Variants in CLNK observed in about 807,000 individuals in gnomAD.
CLNK encodes the protein cytokine dependent hematopoietic cell linker.
Under a neutral mutation model 68.6 loss-of-function variants are expected in CLNK, and 74 were observed. The ratio of observed to expected loss-of-function variants is 1.08; its 90% confidence interval spans 0.89 to 1.31. CLNK has a LOEUF of 1.31. CLNK is among the 50% of genes most tolerant of loss of function. CLNK has a pLI of 0.00. For synonymous variants in CLNK, 198 were observed against 172.2 expected (o/e 1.15, Z -1.17); for missense variants, 553 against 515.3 (o/e 1.07, Z -0.71).
intron 8 of CLNK, among the ~76,000 whole-genome samples, chr4:10,545,083 G>A (rs950986258): frequency 9.9e-5 from 15 of 152,032 alleles, no homozygotes; most frequent in African/African-American, 3.6e-4. Flanking sequence ...AGTTTTGGAG[G>A]GGACATTCAA....
chr4:10,592,979 A>G (rs529359699), intron 3 of CLNK, among the ~76,000 whole-genome samples: 2 of 152,154 alleles, frequency 1.3e-5, no homozygotes, highest in Admixed American at 1.3e-4. Flanking sequence ...CACCCATCTC[A>G]GCCTCCCAAA....
intron 5 of CLNK, among the ~76,000 whole-genome samples, chr4:10,570,277 C>T (rs1286566583): frequency 6.6e-6 from 1 of 152,090 alleles, no homozygotes; most frequent in East Asian, 1.9e-4. Context: ...AATACCTTTG[C>T]TAGACTTGGT....
intron 2 of CLNK, among the ~76,000 whole-genome samples, chr4:10,644,480 G>C (rs1723433651): frequency 6.6e-6 from 1 of 152,126 alleles, no homozygotes; most frequent in African/African-American, 2.4e-5. Flanking sequence ...CTGAGGTTTG[G>C]TCGCATGTAA....
intron 2 of CLNK, among the ~76,000 whole-genome samples, chr4:10,649,117 C>T (rs568958162): frequency 5.3e-4 from 80 of 152,196 alleles, no homozygotes; most frequent in Non-Finnish European, 9.3e-4. Flanking sequence ...CTTTTCTTTA[C>T]GTAAAAATAA....
Position 10,488,546 on chromosome 4 carries a change from C to G in CLNK, c.*1921G>C, listed in dbSNP as rs550872962. 5 of 152,234 alleles carry G rather than the reference C, an allele frequency of 3.3e-5. No individual in the cohort carries two copies. The highest frequency in any genetic ancestry group is 4.8e-5 in the African/African-American group (2 of 41,456). 9.4% of individuals were successfully genotyped at this position (152,234 alleles called of 1,614,324 possible). A position where few individuals can be genotyped will look rare whatever the true frequency, so the allele number is the denominator to read the frequency against. On this transcript the variant is annotated 3_prime_UTR_variant, in exon 19 of 19. Coordinates refer to ENST00000226951, the MANE Select transcript of CLNK (RefSeq NM_052964.4). ...CCGGACCAGTGAGTTCTTTCGTATC[C>G]AAGCTCCAATTTAAACACTCTTGTC...
chr4:10,651,585 G>T (rs1723736943), intron 2 of CLNK, among the ~76,000 whole-genome samples: 1 of 152,136 alleles, frequency 6.6e-6, no homozygotes, highest in African/African-American at 2.4e-5. Context: ...GAATAAAGTT[G>T]CATGTGCTTT....
At chr4:10,584,767 C>G (rs1208378969) in intron 4 of CLNK, among the ~76,000 whole-genome samples, 160 bp downstream of exon 4, 1 of 152,164 alleles carries the variant, frequency 6.6e-6, no homozygotes, top group Non-Finnish European at 1.5e-5. Context: ...ACAGATCAGG[C>G]TGTACCCTGG....
chr4:10,658,932 GT>G (rs1724086913), intron 2 of CLNK, among the ~76,000 whole-genome samples: 1 of 152,238 alleles, frequency 6.6e-6, no homozygotes, highest in Non-Finnish European at 1.5e-5. Context: ...TGTAATCACA[GT>G]TTTTGCTATT....
chr4:10,726,921 T>C, the CLNK span, among the ~76,000 whole-genome samples: 1 of 152,318 alleles, frequency 6.6e-6, no homozygotes, highest in East Asian at 1.9e-4. Flanking sequence ...AACAGACATG[T>C]ATGTGTAATA....
At chr4:10,544,369 T>G (rs1047830479) in intron 8 of CLNK, among the ~76,000 whole-genome samples, 4 of 152,246 alleles carry the variant, frequency 2.6e-5, no homozygotes, top group Non-Finnish European at 5.9e-5. Flanking sequence ...TATGCATTGA[T>G]GTAGGTGTTG....
rs1720557352 is a variant in CLNK at position 10,576,180 on chromosome 4, G to A, written c.113-4402C>T. Among the ~76,000 whole-genome samples, 4 of 152,204 alleles carry A rather than the reference G, an allele frequency of 2.6e-5. No individual in the cohort carries two copies. The South Asian group carries it at 8.3e-4, about 32-fold the overall frequency. On this transcript the variant is annotated intron_variant, in intron 4 of 18. Transcript: ENST00000226951. ...CCTCCTCCCTCACTGAGTGAACAGAGCTTTACACTTCCCCTCATGGACCCA... is the reference window on the plus strand; with the variant it reads ...CCTCCTCCCTCACTGAGTGAACAGAACTTTACACTTCCCCTCATGGACCCA...
At chr4:10,616,137 T>C (rs1294931927) in intron 2 of CLNK, among the ~76,000 whole-genome samples, 1 of 152,244 alleles carries the variant, frequency 6.6e-6, no homozygotes, top group Non-Finnish European at 1.5e-5. Flanking sequence ...CGATTACCTA[T>C]GGTCTTGATG....
the CLNK span, among the ~76,000 whole-genome samples, chr4:10,719,560 A>T: frequency 6.6e-6 from 1 of 152,104 alleles, no homozygotes; most frequent in African/African-American, 2.4e-5. Flanking sequence ...AGAATTATAA[A>T]ATATATGCAC....
chr4:10,601,084 G>C (rs779123440), intron 2 of CLNK, among the ~76,000 whole-genome samples: 13 of 152,166 alleles, frequency 8.5e-5, no homozygotes, highest in Admixed American at 8.5e-4. Flanking sequence ...CCTCAGTAGC[G>C]AATAGGCAGG....
the CLNK span, among the ~76,000 whole-genome samples, chr4:10,719,961 C>A: frequency 6.6e-6 from 1 of 151,600 alleles, no homozygotes; most frequent in African/African-American, 2.4e-5. Flanking sequence ...ACCCATGGGT[C>A]AAAGAGGATG....
At chr4:10,699,761 G>GCCT in the CLNK span, among the ~76,000 whole-genome samples, 2 of 151,156 alleles carry the variant, frequency 1.3e-5, no homozygotes, top group African/African-American at 4.9e-5. Context: ...TGATCCATCC[G>GCCT]CCTCAGCCTC....
chr4:10,537,396 T>C lies in CLNK; in HGVS notation c.602+3098A>G, dbSNP rs968087969. Among the ~76,000 whole-genome samples the C allele has an allele frequency of 1.1e-4, 16 of 152,124 alleles. 1 individual carries two copies. The highest frequency in any genetic ancestry group is 9.8e-4 in the Admixed American group (15 of 15,280). ...AGGAGGTTGAGTCAGGAGAATCAAT[T>C]GAACCCGGGAGGCAGAGGTTGCAGT... On this transcript the variant is annotated intron_variant, in intron 11 of 18. Transcript: ENST00000226951.
intron 17 of CLNK, among the ~76,000 whole-genome samples, chr4:10,507,430 TTCTG>T (rs1717351280): frequency 6.9e-6 from 1 of 145,380 alleles, no homozygotes; most frequent in Non-Finnish European, 1.5e-5. Context: ...TTTTTTTGTT[TTCTG>T]TTTTTATTTA....
At chr4:10,585,064 G>GA in intron 3 of CLNK, 109 bp from the exon 4 acceptor site, 1 of 1,094,240 alleles carries the variant, frequency 9.1e-7, no homozygotes, top group Non-Finnish European at 1.4e-6. Flanking sequence ...GTCAGCCTCT[G>GA]AAGCTGCTTT....
Sources: allele counts gnomAD v4.1 joint callset (sites outside exome capture counted in the v4.1 genomes callset), GRCh38; gene constraint gnomAD v4.1.1; transcripts MANE v1.5; gene names NCBI Gene and HGNC (gene_info 2026-07-23, HGNC 2026-07-21).